HIVEP3: variants seen among roughly 807,000 people sequenced by gnomAD.
The protein encoded by HIVEP3 is transcription factor HIVEP3.
A neutral mutation model predicts 152.8 loss-of-function variants in HIVEP3; 49 were observed. That is an observed-to-expected ratio of 0.32 (90% CI 0.26 to 0.41). HIVEP3 has a LOEUF of 0.41. Among genes scored for constraint, HIVEP3 ranks in the 10% least tolerant of loss-of-function variants. The pLI is 1.00. For synonymous variants in HIVEP3, 1,269 were observed against 1,289.0 expected (o/e 0.98, Z 0.33); for missense variants, 2,790 against 3,103.3 (o/e 0.90, Z 2.40).
chr1:41,691,275 T>C (rs1207381183), intron 2 of HIVEP3, among the ~76,000 whole-genome samples: 1 of 152,252 alleles, frequency 6.6e-6, no homozygotes, highest in Non-Finnish European at 1.5e-5. Context: ...TTGCTTTGAC[T>C]GATCATATCA....
At chr1:41,562,676 T>C (rs547092449) in intron 5 of HIVEP3, among the ~76,000 whole-genome samples, 16 of 151,188 alleles carry the variant, frequency 1.1e-4, no homozygotes, top group African/African-American at 3.9e-4. Context: ...CTTTTGGGTA[T>C]AATAAACCTA....
intron 1 of HIVEP3, among the ~76,000 whole-genome samples, chr1:42,002,017 C>A (rs1454650469): frequency 6.6e-6 from 1 of 152,140 alleles, no homozygotes; most frequent in Non-Finnish European, 1.5e-5. Context: ...AGCCCCAAAT[C>A]CCCCTTTCCA....
At chr1:41,964,066 G>A (rs775783146) in intron 1 of HIVEP3, among the ~76,000 whole-genome samples, 1 of 152,206 alleles carries the variant, frequency 6.6e-6, no homozygotes, top group Non-Finnish European at 1.5e-5. Context: ...TGGAAGCAAG[G>A]TTTCTGCAAA....
At chr1:41,845,208 T>TTTATTAC (rs1643403459) in intron 1 of HIVEP3, among the ~76,000 whole-genome samples, 1 of 76,026 alleles carries the variant, frequency 1.3e-5, no homozygotes, top group Non-Finnish European at 2.5e-5. Context: ...GACTACAATA[T>TTTATTAC]GTTTATTCTC....
Position 41,738,343 on chromosome 1 carries a change from C to T in HIVEP3, c.-800-37348G>A, listed in dbSNP as rs544403207. Among the ~76,000 whole-genome samples the T allele has an allele frequency of 5.3e-5, 8 of 152,274 alleles. No homozygotes were observed. The South Asian group carries it at 1.2e-3, about 24-fold the overall frequency. ...GCCCTGGGTTTCTCAATCCAGGTGG[C>T]GGCCTCAGCACGGAGCCATGGGGTA... is the stretch of plus-strand genomic sequence containing the variant. On this transcript the variant is annotated intron_variant, in intron 1 of 8. Transcript: ENST00000372583.
At chr1:41,957,351 C>T (rs981099450) in intron 1 of HIVEP3, among the ~76,000 whole-genome samples, 1 of 152,176 alleles carries the variant, frequency 6.6e-6, no homozygotes, top group Non-Finnish European at 1.5e-5. Context: ...TAAGACACTG[C>T]TAAACAAGTA....
chr1:41,528,280 ATACACCCCCACACT>A (rs2149058348), intron 5 of HIVEP3, among the ~76,000 whole-genome samples: 1 of 61,356 alleles, frequency 1.6e-5, no homozygotes, highest in African/African-American at 6.7e-5. Context: ...ACACCCTCAC[ATACACCCCCACACT>A]CACCCTCACA....
At chr1:42,030,979 T>G (rs1645609499) in intron 1 of HIVEP3, among the ~76,000 whole-genome samples, 1 of 152,134 alleles carries the variant, frequency 6.6e-6, no homozygotes, top group Non-Finnish European at 1.5e-5. Flanking sequence ...TCTTCACCAT[T>G]TACTCATGTC....
chr1:41,567,114 C>T (rs1213386435), intron 5 of HIVEP3, among the ~76,000 whole-genome samples: 1 of 152,212 alleles, frequency 6.6e-6, no homozygotes, highest in Non-Finnish European at 1.5e-5. Flanking sequence ...TGTCCCCAGA[C>T]CTATTTTTCA....
chr1:41,676,264 C>G (rs919162267), intron 2 of HIVEP3, among the ~76,000 whole-genome samples: 13 of 152,176 alleles, frequency 8.5e-5, no homozygotes, highest in African/African-American at 3.1e-4. Context: ...GGTGGCCAGG[C>G]TGGTCTTGAA....
In HIVEP3 at chr1:41,890,597, C is replaced by T. The variant is rs1644430888; in HGVS notation, c.-801+27816G>A. On this transcript the variant is annotated intron_variant, in intron 1 of 8. Coordinates refer to ENST00000372583, the MANE Select transcript of HIVEP3 (RefSeq NM_024503.5). ...ATAGTTTGTCATTTAATCCTTGGAC[C>T]ATTTTACAAATGAGGAGCCTGAGGC... Among the ~76,000 whole-genome samples the T allele has an allele frequency of 2.6e-5, 4 of 152,324 alleles. 1 individual carries two copies. In the Middle Eastern group the frequency reaches 0.01, roughly 389 times the overall value.
intron 2 of HIVEP3, among the ~76,000 whole-genome samples, chr1:41,666,710 C>G (rs948538059): frequency 1.3e-5 from 2 of 152,206 alleles, no homozygotes; most frequent in African/African-American, 4.8e-5. Context: ...GTTCCAACAG[C>G]CTTCTCCCTG....
At chr1:41,747,015 T>C (rs576063523) in intron 1 of HIVEP3, among the ~76,000 whole-genome samples, 1 of 152,138 alleles carries the variant, frequency 6.6e-6, no homozygotes, top group Non-Finnish European at 1.5e-5. Context: ...GAAATCACCC[T>C]GGGGTCCTAC....
chr1:41,801,098 C>G (rs1437644815), intron 1 of HIVEP3, among the ~76,000 whole-genome samples: 1 of 152,184 alleles, frequency 6.6e-6, no homozygotes, highest in Non-Finnish European at 1.5e-5. Flanking sequence ...AGAAGACAGG[C>G]AGTGTAACCG....
At chr1:41,671,432 C>T (rs775845362) in intron 2 of HIVEP3, among the ~76,000 whole-genome samples, 6 of 152,224 alleles carry the variant, frequency 3.9e-5, no homozygotes, top group Non-Finnish European at 8.8e-5. Flanking sequence ...GAATCCTGCT[C>T]TCGGGGGCAG....
intron 3 of HIVEP3, among the ~76,000 whole-genome samples, chr1:41,596,164 T>C (rs1347161706): frequency 2.6e-5 from 4 of 152,002 alleles, no homozygotes; most frequent in African/African-American, 4.8e-5. Context: ...CGAGATAAAG[T>C]CCCAAACTGT....
rs567005580 is a variant in HIVEP3, at chr1:41,898,986, T to C, written c.-801+19427A>G. ...GTTCAGCCCCATGGGCTGGCATCTTTGCCACTGAGGTCTGCACAAGATGCG... is the reference window on the plus strand; with the variant it reads ...GTTCAGCCCCATGGGCTGGCATCTTCGCCACTGAGGTCTGCACAAGATGCG... On this transcript the variant is annotated intron_variant, in intron 1 of 8. Transcript: ENST00000372583. Among the ~76,000 whole-genome samples, 33 of 152,386 alleles carry C rather than the reference T, an allele frequency of 2.2e-4. 1 individual carries two copies. The highest frequency in any genetic ancestry group is 1.6e-3 in the Admixed American group (24 of 15,308).
At chr1:41,713,990 C>CATCTGCTCAT (rs143858597) in intron 1 of HIVEP3, among the ~76,000 whole-genome samples, 3,928 of 152,266 alleles carry the variant, frequency 0.026, 174 homozygotes, top group African/African-American at 0.09. Context: ...AATGGTGCCT[C>CATCTGCTCAT]ATCTGCTCAT....
At chr1:41,903,600 T>G (rs1644661119) in intron 1 of HIVEP3, among the ~76,000 whole-genome samples, 1 of 152,216 alleles carries the variant, frequency 6.6e-6, no homozygotes, top group Admixed American at 6.5e-5. Context: ...TGAGGTGACA[T>G]TAGAAAAGAA....
Sources: allele counts gnomAD v4.1 joint callset (sites outside exome capture counted in the v4.1 genomes callset), GRCh38; gene constraint gnomAD v4.1.1; transcripts MANE v1.5; gene names NCBI Gene and HGNC (gene_info 2026-07-23, HGNC 2026-07-21).